Variants in MZT1 observed in about 807,000 individuals in gnomAD.
MZT1 encodes the protein mitotic-spindle organizing protein 1.
A neutral mutation model predicts 8.5 loss-of-function variants in MZT1; 8 were observed. The ratio of observed to expected loss-of-function variants is 0.94; its 90% CI spans 0.55 to 1.70. MZT1 has a LOEUF of 1.70. Among genes scored for constraint, MZT1 ranks in the 40% most tolerant of loss-of-function variants. The pLI is 0.00. For synonymous variants in MZT1, 38 were observed against 42.0 expected, an observed-to-expected ratio of 0.90 and a Z score of 0.37; for missense variants, 93 against 108.6, an observed-to-expected ratio of 0.86 and a Z score of 0.64.
chr13:72,727,153 G>C (rs1340254682), intron 1 of MZT1, among the ~76,000 whole-genome samples: 7 of 152,240 alleles, frequency 4.6e-5, no homozygotes, highest in Non-Finnish European at 1.0e-4. Flanking sequence ...GGTGGGACGC[G>C]GCACGCAGGA....
intron 2 of MZT1, among the ~76,000 whole-genome samples, chr13:72,714,367 T>G (rs544823572): frequency 6.6e-6 from 1 of 152,220 alleles, no homozygotes; most frequent in East Asian, 1.9e-4. Flanking sequence ...AGGCAGAGCA[T>G]AAAAGTTTAG....
chr13:72,716,299 A>G (rs1438287872), intron 2 of MZT1, among the ~76,000 whole-genome samples: 1 of 152,118 alleles, frequency 6.6e-6, no homozygotes, highest in Non-Finnish European at 1.5e-5. Flanking sequence ...AGAGGAGAGC[A>G]AGAGAGAGGG....
intron 1 of MZT1, among the ~76,000 whole-genome samples, chr13:72,725,390 AAGTT>A (rs1458787551): frequency 2.6e-5 from 4 of 152,136 alleles, no homozygotes; most frequent in East Asian, 1.9e-4. Flanking sequence ...TATTAATAGA[AAGTT>A]AGCCTGCTTC....
chr13:72,721,988 T>C (rs144058434), intron 1 of MZT1, among the ~76,000 whole-genome samples: 2 of 152,254 alleles, frequency 1.3e-5, no homozygotes, highest in Non-Finnish European at 2.9e-5. Context: ...TCAAGATTTC[T>C]AATTTCTAAT....
chr13:72,711,904 G>A (rs578058403), intron 2 of MZT1, among the ~76,000 whole-genome samples: 1 of 152,086 alleles, frequency 6.6e-6, no homozygotes, highest in Admixed American at 6.5e-5. Context: ...GAAGCAAACC[G>A]ATGAGTTATT....
intron 1 of MZT1, 150 bp downstream of exon 1, chr13:72,727,374 C>T (rs567141444): frequency 2.8e-5 from 22 of 779,374 alleles, no homozygotes; most frequent in African/African-American, 2.5e-4. Context: ...GGCCATCAGC[C>T]CTGCGGCCCT....
intron 1 of MZT1, among the ~76,000 whole-genome samples, chr13:72,721,810 C>T: frequency 6.6e-6 from 1 of 152,194 alleles, no homozygotes; most frequent in East Asian, 1.9e-4. Flanking sequence ...CAAGTAGAAG[C>T]ATAAATCTAA....
At chr13:72,711,200 T>C (rs2032486016) in intron 2 of MZT1, among the ~76,000 whole-genome samples, 2 of 152,268 alleles carry the variant, frequency 1.3e-5, no homozygotes, top group South Asian at 4.1e-4. Flanking sequence ...ACTTCTCAAA[T>C]TACAATATGT....
chr13:72,713,715 C>G (rs2032509004), intron 2 of MZT1, among the ~76,000 whole-genome samples: 1 of 152,204 alleles, frequency 6.6e-6, no homozygotes, highest in African/African-American at 2.4e-5. Context: ...TACTTGCTGA[C>G]TGAGCATCCC....
At chr13:72,725,692 T>C (rs1705606246) in intron 1 of MZT1, among the ~76,000 whole-genome samples, 1 of 152,080 alleles carries the variant, frequency 6.6e-6, no homozygotes. Context: ...GAGATCTTGA[T>C]GATGCAGCCA....
intron 2 of MZT1, among the ~76,000 whole-genome samples, chr13:72,711,469 ATAGT>A (rs1488542288): frequency 3.3e-5 from 5 of 152,178 alleles, no homozygotes; most frequent in African/African-American, 1.2e-4. Context: ...TTCACAAAAA[ATAGT>A]TACTGTTTTC....
At chr13:72,720,218 C>A (rs573439298) in intron 1 of MZT1, among the ~76,000 whole-genome samples, 2 of 152,254 alleles carry the variant, frequency 1.3e-5, no homozygotes, top group South Asian at 2.1e-4. Flanking sequence ...GAGATGCCAC[C>A]TTTATTCATA....
chr13:72,727,533 T>A lies in MZT1; in HGVS notation c.70A>T (p.Thr24Ser), dbSNP rs2032689693. 1 of 1,613,298 alleles carries A rather than the reference T, an allele frequency of 6.2e-7. No homozygotes were observed. Among genetic ancestry groups the A allele is most frequent in the Non-Finnish European group, 8.5e-7 (1 of 1,179,752 alleles). The change falls in exon 1 of 3, where the codon ACC becomes TCC. Residue 24 changes from threonine (T) to serine (S), a missense_variant. Transcript: ENST00000377818. Reference sequence around the variant, plus strand: ...CGCAACGGAAACTCACCGTCCATGGTCTCCCGCACCGCATTCAGATTCGCC... The same window carrying A: ...CGCAACGGAAACTCACCGTCCATGGACTCCCGCACCGCATTCAGATTCGCC... ...AAANLNAVRETMDVLLEISRI... is the reference protein window; with the variant it reads ...AAANLNAVRESMDVLLEISRI...
intron 1 of MZT1, among the ~76,000 whole-genome samples, chr13:72,720,414 G>C (rs532624396): frequency 9.2e-4 from 140 of 152,198 alleles, no homozygotes; most frequent in Non-Finnish European, 1.1e-3. Context: ...AATTCCAACT[G>C]GATTCTGATT....
At chr13:72,719,677 G>A (rs7327295) in intron 1 of MZT1, among the ~76,000 whole-genome samples, 134,074 of 152,228 alleles carry the variant, frequency 0.88, 61,129 homozygotes, top group Non-Finnish European at 0.99. Context: ...GGCTTTAAAA[G>A]TGTTTAGAAA....
At chr13:72,726,490 T>C (rs1208511773) in intron 1 of MZT1, among the ~76,000 whole-genome samples, 1 of 151,978 alleles carries the variant, frequency 6.6e-6, no homozygotes, top group Non-Finnish European at 1.5e-5. Context: ...GAGAATTTCA[T>C]AGGGTTATCT....
In MZT1 at chr13:72,710,245, G is replaced by T; in HGVS notation, c.*77C>A. On this transcript the variant is annotated 3_prime_UTR_variant, in exon 3 of 3. Coordinates refer to ENST00000377818, the MANE Select transcript of MZT1 (RefSeq NM_001071775.3). ...CACTGCTGCATGCAGTAATTTCATT[G>T]TACATTCTCAACTACAATGCAATCT... is the stretch of plus-strand genomic sequence containing the variant. 2.0e-6 allele frequency: 3 copies of T among 1,471,176 alleles called. No individual in the cohort carries two copies. Among genetic ancestry groups the T allele is most frequent in the Non-Finnish European group, 2.8e-6 (3 of 1,057,956 alleles). 91.1% of individuals were successfully genotyped at this position (1,471,176 alleles called of 1,614,324 possible). A position where few individuals can be genotyped will look rare whatever the true frequency, so the allele number is the denominator to read the frequency against.
intron 2 of MZT1, among the ~76,000 whole-genome samples, chr13:72,716,803 T>C (rs2032539463): frequency 6.6e-6 from 1 of 152,184 alleles, no homozygotes; most frequent in Non-Finnish European, 1.5e-5. Context: ...TAAAACGTGG[T>C]TAATTTGAAT....
chr13:72,713,479 T>G (rs1271358077), intron 2 of MZT1, among the ~76,000 whole-genome samples: 3 of 152,178 alleles, frequency 2.0e-5, no homozygotes, highest in Admixed American at 6.5e-5. Flanking sequence ...ACATGTATCC[T>G]CCCACATACT....
Sources: gnomAD v4.1 joint callset for allele counts (sites outside exome capture counted in the v4.1 genomes callset) on GRCh38, gnomAD v4.1.1 for gene constraint, MANE v1.5 for transcripts, NCBI Gene and HGNC (gene_info 2026-07-23, HGNC 2026-07-21) for gene names.